MYO15B: variants seen among roughly 807,000 people sequenced by gnomAD.
MYO15B encodes the protein myosin XVB, also known as myosin XVB pseudogene.
MYO15B carries 207 observed loss-of-function variants against 119.3 expected under a neutral mutation model. The ratio of observed to expected loss-of-function variants is 1.73; its 90% CI spans 1.55 to 1.95. The LOEUF (loss-of-function observed/expected upper bound fraction) is 1.95. Among genes scored for constraint, MYO15B ranks in the 30% most tolerant of loss-of-function variants. The pLI, the probability that MYO15B is intolerant of heterozygous loss-of-function variation, is 0.00. For missense variants in MYO15B, 2,264 were observed against 1,203.1 expected, an observed-to-expected ratio of 1.88 and a Z score of -13.04; for synonymous variants, 966 against 498.9, an observed-to-expected ratio of 1.94 and a Z score of -12.48.
chr17:75,623,699 C>G (rs2058837179), intron 53 of MYO15B, 82 bp from the exon 54 acceptor site: 2 of 689,430 alleles, frequency 2.9e-6, no homozygotes, highest in Admixed American at 4.1e-5. Context: ...CAGCCCATGG[C>G]CTAGCAGGGT....
At chr17:75,594,108 A>G (rs992004460) in intron 9 of MYO15B, among the ~76,000 whole-genome samples, 2 of 148,162 alleles carry the variant, frequency 1.3e-5, no homozygotes, top group African/African-American at 5.2e-5. Flanking sequence ...AAAAAAAGAA[A>G]AAAAAAAATC....
chr17:75,595,124 G>C (rs1016537071), intron 12 of MYO15B, 152 bp downstream of exon 12: 2 of 616,388 alleles, frequency 3.2e-6, no homozygotes, highest in Non-Finnish European at 5.8e-6. Flanking sequence ...GCATCTGCTG[G>C]GCTGAGCCTG....
chr17:75,590,183 G>A (rs2147686311), exon 1 of MYO15B: 2 of 399,130 alleles, frequency 5.0e-6, no homozygotes, highest in East Asian at 7.1e-5. Flanking sequence ...CCCTTCCCCG[G>A]TGCCAAGGGC....
Position 75,625,671 on chromosome 17 carries a change from G to C in MYO15B, c.8938+11G>C, listed in dbSNP as rs752726186. On this transcript the variant is annotated intron_variant, in intron 61 of 63. Coordinates refer to ENST00000645453, the Ensembl canonical transcript of MYO15B. The stretch of plus-strand genomic sequence containing the variant: ...AGATCAGCTTCATTGGTGGGTCTGG[G>C]ACTAGGGGACCGCTGGGTGGGGGCT... 1.4e-6 allele frequency: 1 copy of C among 702,904 alleles called. No homozygotes were observed. The highest frequency in any genetic ancestry group is 1.7e-5 in the African/African-American group (1 of 57,378). The allele number at this position is 702,904 out of a possible 1,614,324, so 43.5% of individuals were successfully genotyped here.
intron 21 of MYO15B, among the ~76,000 whole-genome samples, chr17:75,609,427 A>C (rs1432184883): frequency 6.7e-6 from 1 of 149,912 alleles, no homozygotes; most frequent in Non-Finnish European, 1.5e-5. Flanking sequence ...CTCCTTCCTC[A>C]GCCTCTTAGA....
At chr17:75,617,124 G>A (rs2058423744) in exon 41 of MYO15B, 1 of 680,710 alleles carries the variant, frequency 1.5e-6, no homozygotes, top group Non-Finnish European at 2.7e-6. Flanking sequence ...CCCGCCAGCT[G>A]TGGCTCCTCG....
At chr17:75,615,429 C>T (rs1025927509) in intron 34 of MYO15B, 74 bp from the exon 35 acceptor site, 17 of 676,450 alleles carry the variant, frequency 2.5e-5, no homozygotes, top group Admixed American at 4.1e-5. Flanking sequence ...CTAGGAGTCC[C>T]GAGTGCACAG....
rs933195429 is a variant in MYO15B, at chr17:75,614,929, C to T, written c.5560-32C>T. The T allele has an allele frequency of 4.3e-6, 3 of 703,004 alleles. No homozygotes were observed. In the African/African-American group the frequency reaches 5.2e-5, roughly 12 times the overall value. The allele number at this position is 703,004 out of a possible 1,614,324, so 43.5% of individuals were successfully genotyped here. On this transcript the variant is annotated intron_variant, in intron 32 of 63. Coordinates refer to ENST00000645453, the Ensembl canonical transcript of MYO15B. ...TGCCCCTTCCATTTTTCTCAGGGCTCTCACTCTGACCTGTGACCATTGTCC... is the reference window on the plus strand; with the variant it reads ...TGCCCCTTCCATTTTTCTCAGGGCTTTCACTCTGACCTGTGACCATTGTCC...
Position 75,624,210 on chromosome 17 carries a change from ACAGT to A in MYO15B, c.8311_8314del (p.Val2771AsnfsTer14), listed in dbSNP as rs749270192. 5.7e-5 allele frequency: 40 copies of A among 702,792 alleles called. No individual in the cohort carries two copies. The highest frequency in any genetic ancestry group is 2.5e-4 in the South Asian group (17 of 67,600). 43.5% of individuals were successfully genotyped at this position (702,792 alleles called of 1,614,324 possible). ...GAGCAGCCAGGAGCACCTCCAGCGC[ACAGT>A]CAAATATGGGGGGCGCCGGCGGATG... On this transcript the variant is annotated frameshift_variant, in exon 56 of 64. Coordinates refer to ENST00000645453, the Ensembl canonical transcript of MYO15B. LOFTEE classifies it high-confidence loss of function.
Position 75,588,896 on chromosome 17 carries a change from AC to A in MYO15B, c.840del (p.Asp280GlufsTer89), listed in dbSNP as rs1211962865. 6 of 398,440 alleles carry A rather than the reference AC, an allele frequency of 1.5e-5. No homozygotes were observed. The highest frequency in any genetic ancestry group is 1.2e-4 in the African/African-American group (6 of 48,738). The allele number at this position is 398,440 out of a possible 1,614,324, so 24.7% of individuals were successfully genotyped here. A position where few individuals can be genotyped will look rare whatever the true frequency, so the allele number is the denominator to read the frequency against. ...ACTGGGCCGGCCAAGGACGCGAGCG[AC>A]AACCGGGCGCAGCGGGGCGCCGAGC... On this transcript the variant is annotated frameshift_variant, in exon 1 of 64. Coordinates refer to ENST00000645453, the Ensembl canonical transcript of MYO15B. LOFTEE classifies it high-confidence loss of function.
chr17:75,626,089 G>C (rs1206163179), exon 63 of MYO15B: 3 of 702,766 alleles, frequency 4.3e-6, no homozygotes, highest in African/African-American at 1.7e-5. Context: ...TGCCCCCAGA[G>C]CCTGTACTGC....
At chr17:75,601,060 C>A (rs911014751) in intron 14 of MYO15B, among the ~76,000 whole-genome samples, 1 of 151,080 alleles carries the variant, frequency 6.6e-6, no homozygotes, top group South Asian at 2.1e-4. Context: ...CCTGCCACCA[C>A]GCCCAGCTAA....
chr17:75,608,390 T>C (rs369055312), intron 21 of MYO15B, among the ~76,000 whole-genome samples: 1 of 152,160 alleles, frequency 6.6e-6, no homozygotes, highest in East Asian at 1.9e-4. Context: ...CCCAAAGTAC[T>C]GGGATTACAG....
chr17:75,621,690 T>C (rs868539201), intron 52 of MYO15B, 120 bp downstream of exon 52: 2 of 623,550 alleles, frequency 3.2e-6, no homozygotes, highest in Admixed American at 2.5e-5. Flanking sequence ...TCCGGGAAGC[T>C]CACTGGTGGT....
rs757768405 is a variant in MYO15B at position 75,610,964 on chromosome 17, G to A, written c.4446+5G>A. 7 of 703,030 alleles carry A rather than the reference G, an allele frequency of 1.0e-5. No homozygotes were observed. The South Asian group carries it at 1.0e-4, about 10-fold the overall frequency. 43.5% of individuals were successfully genotyped at this position (703,030 alleles called of 1,614,324 possible). A position where few individuals can be genotyped will look rare whatever the true frequency, so the allele number is the denominator to read the frequency against. On this transcript the variant is annotated splice_donor_5th_base_variant and intron_variant, in intron 23 of 63. Coordinates refer to ENST00000645453, the Ensembl canonical transcript of MYO15B. ...TTGGAGAGAGTGCCAAGCATGGTAGGTGGCCTGGAAAGTGGGGGGTTTTAC... is the reference window on the plus strand; with the variant it reads ...TTGGAGAGAGTGCCAAGCATGGTAGATGGCCTGGAAAGTGGGGGGTTTTAC...
At chr17:75,594,675 C>T (rs2056733087) in intron 10 of MYO15B, 26 bp from the exon 11 acceptor site, 1 of 702,686 alleles carries the variant, frequency 1.4e-6, no homozygotes, top group Non-Finnish European at 2.6e-6. Context: ...GCCTGACACA[C>T]CAGCTGTGCC....
exon 28 of MYO15B, chr17:75,613,409 A>C: frequency 1.5e-6 from 1 of 678,212 alleles, no homozygotes. Context: ...CCCCCGACCC[A>C]GCTGGAGTGG....
At chr17:75,592,270 A>G in exon 7 of MYO15B, 1 of 702,832 alleles carries the variant, frequency 1.4e-6, no homozygotes, top group South Asian at 1.5e-5. Flanking sequence ...GTGTCTCATT[A>G]TCTACTTGAG....
At position 75,616,526 on chromosome 17, in the gene MYO15B, C is replaced by A. The variant is rs2058380551; in HGVS notation, c.6247C>A (p.Pro2083Thr). ...AGTCTTTCCTGTTTCCTGGTCAGTGCCGTCCCCTCCTCCTCCCCCCATCGT... is the reference window on the plus strand; with the variant it reads ...AGTCTTTCCTGTTTCCTGGTCAGTGACGTCCCCTCCTCCTCCCCCCATCGT... The change falls in exon 39 of 64, where the codon CCG becomes ACG. Residue 2083 changes from proline to threonine, a missense_variant and splice_region_variant. By Grantham distance (38) the Pro-to-Thr change is conservative. Transcript: ENST00000645453. The A allele has an allele frequency of 1.0e-5, 7 of 702,084 alleles. No homozygotes were observed. The East Asian group carries it at 1.9e-4, about 19-fold the overall frequency. The allele number at this position is 702,084 out of a possible 1,614,324, so 43.5% of individuals were successfully genotyped here.
Sources: allele counts gnomAD v4.1 joint callset (sites outside exome capture counted in the v4.1 genomes callset), GRCh38; gene constraint gnomAD v4.1.1; transcripts MANE v1.5; gene names NCBI Gene and HGNC (gene_info 2026-07-23, HGNC 2026-07-21).